The following CLCN1 variants were observed in gnomAD, a reference collection of about 807,000 sequenced individuals.
CLCN1 encodes the protein chloride voltage-gated channel 1.
In CLCN1, 100 loss-of-function variants were observed where a neutral mutation model predicts 114.5. That is an observed-to-expected ratio of 0.87 (90% CI 0.74 to 1.03). The LOEUF (loss-of-function observed/expected upper bound fraction) is 1.03, where lower values mean the gene tolerates loss of function less well. Ranked by LOEUF, CLCN1 falls within the 50% of genes least tolerant of loss-of-function variation. The pLI, the probability that CLCN1 is intolerant of heterozygous loss-of-function variation, is 0.00. For missense variants in CLCN1, 1,188 were observed against 1,250.0 expected (o/e 0.95, Z 0.75); for synonymous variants, 485 against 487.1 (o/e 1.00, Z 0.06).
chr7:143,340,238 A>G (rs1485585734), intron 14 of CLCN1, among the ~76,000 whole-genome samples: 1 of 152,196 alleles, frequency 6.6e-6, no homozygotes, highest in Non-Finnish European at 1.5e-5. Flanking sequence ...AGAAGTGCTG[A>G]CCAGCTTTCT....
At chr7:143,348,147 G>T (rs1233302923) in intron 20 of CLCN1, among the ~76,000 whole-genome samples, 1 of 152,144 alleles carries the variant, frequency 6.6e-6, no homozygotes, top group Non-Finnish European at 1.5e-5. Flanking sequence ...ATTGGAGGAG[G>T]ATGTTGTGAG....
intron 6 of CLCN1, chr7:143,323,701 G>T (rs1160111220): frequency 1.9e-6 from 1 of 535,218 alleles, no homozygotes; most frequent in East Asian, 5.1e-5. Context: ...TTCCCTCCAC[G>T]TTTCCCTCGT....
At position 143,339,458 on chromosome 7, in the gene CLCN1, G is replaced by A. The variant is rs905904757; in HGVS notation, c.1472-53G>A. On this transcript the variant is annotated intron_variant, in intron 13 of 22. Transcript: ENST00000343257. This position sits in a 1 kb window ranked among gnomAD's most constrained non-coding sequence, Gnocchi z 4.1. ...AGGAGAGATTGGTTCTGAAAACTGA[G>A]AGCAAGGAACTTGGATCTCGTAACA... 12 of 1,472,678 alleles carry A rather than the reference G, an allele frequency of 8.1e-6. No homozygotes were observed. In the Admixed American group the frequency reaches 1.8e-4, roughly 23 times the overall value. The allele number at this position is 1,472,678 out of a possible 1,614,324, so 91.2% of individuals were successfully genotyped here. A position where few individuals can be genotyped will look rare whatever the true frequency, so the allele number is the denominator to read the frequency against.
At position 143,339,370 on chromosome 7, in the gene CLCN1, G is replaced by T; in HGVS notation, c.1471+48G>T. 2.7e-6 allele frequency: 4 copies of T among 1,477,244 alleles called. No homozygotes were observed. The highest frequency in any genetic ancestry group is 3.8e-6 in the Non-Finnish European group (4 of 1,055,364). The allele number at this position is 1,477,244 out of a possible 1,614,324, so 91.5% of individuals were successfully genotyped here. The stretch of plus-strand genomic sequence containing the variant: ...GGGTCTGACTGAGAGTTGCAATCTA[G>T]GATACAGGAAACATAAGGAAAGGCC... On this transcript the variant is annotated intron_variant, in intron 13 of 22. Transcript: ENST00000343257. This position sits in a 1 kb window ranked among gnomAD's most constrained non-coding sequence, Gnocchi z 4.1.
intron 12 of CLCN1, among the ~76,000 whole-genome samples, chr7:143,335,227 T>C (rs2116858547): frequency 6.6e-6 from 1 of 152,306 alleles, no homozygotes; most frequent in Non-Finnish European, 1.5e-5. Flanking sequence ...AATTCAAGCT[T>C]ATTTTGAGAA....
At position 143,321,408 on chromosome 7, in the gene CLCN1, G is replaced by C; in HGVS notation, c.477G>C (p.Leu159=). The C allele has an allele frequency of 6.2e-7, 1 of 1,614,208 alleles. No homozygotes were observed. The highest frequency in any genetic ancestry group is 8.5e-7 in the Non-Finnish European group (1 of 1,180,042). Residue 159 remains leucine, a synonymous_variant, in exon 4 of 23, where the codon CTG becomes CTC. Transcript: ENST00000343257. This position sits in a 1 kb window ranked among gnomAD's most constrained non-coding sequence, Gnocchi z 4.2. ...CGCAGATGCAGCCCAGCCTTCCTCT[G>C]CAGTTCCTGGTCTGGGTCACCTTCC... ...SYAQMQPSLP[L]QFLVWVTFPL...
intron 6 of CLCN1, 103 bp downstream of exon 6, chr7:143,323,489 G>T: frequency 1.2e-6 from 1 of 849,346 alleles, no homozygotes; most frequent in Non-Finnish European, 2.1e-6. Flanking sequence ...GCTGGCTGTG[G>T]TGCTGAAGCA....
intron 22 of CLCN1, 29 bp from the exon 23 acceptor site, chr7:143,351,565 C>T (rs768581019): frequency 6.5e-5 from 104 of 1,610,782 alleles, no homozygotes; most frequent in Admixed American, 1.0e-4. Flanking sequence ...CAACTTTTTA[C>T]CCTCTTTTCC....
intron 12 of CLCN1, among the ~76,000 whole-genome samples, chr7:143,338,587 A>G (rs143551515): frequency 6.6e-6 from 1 of 152,246 alleles, no homozygotes; most frequent in African/African-American, 2.4e-5. Flanking sequence ...GGAGTTCAAG[A>G]CCAGCCGGGG....
At position 143,345,543 on chromosome 7, in the gene CLCN1, G is replaced by T. The variant is rs1375543643; in HGVS notation, c.1953G>T (p.Ser651=). Residue 651 remains serine, a synonymous_variant, in exon 17 of 23, where the codon TCG becomes TCT. Coordinates refer to ENST00000343257, the MANE Select transcript of CLCN1 (RefSeq NM_000083.3). ...CAGATTCAATGATCCTGCTGGGCTC[G>T]GTGGAGCGGTCGGAACTGCAGGCCC... is the stretch of plus-strand genomic sequence containing the variant. ...DSKDSMILLG[S]VERSELQALL... The T allele has an allele frequency of 9.7e-6, 15 of 1,540,460 alleles. No individual in the cohort carries two copies. Among genetic ancestry groups the T allele is most frequent in the Middle Eastern group, 2.0e-4 (1 of 5,056 alleles).
chr7:143,318,609 C>G (rs1802349796), intron 1 of CLCN1, among the ~76,000 whole-genome samples: 1 of 152,170 alleles, frequency 6.6e-6, no homozygotes. Context: ...CTCCCCTCAC[C>G]CTGCCCTGCA....
chr7:143,323,430 G>A, intron 6 of CLCN1, 44 bp downstream of exon 6: 1 of 1,377,666 alleles, frequency 7.3e-7, no homozygotes, highest in Middle Eastern at 1.8e-4. Context: ...GGTGGTAGAA[G>A]GAGTCCGGCT....
In CLCN1 at chr7:143,348,005, C is replaced by T. The variant is rs185703176; in HGVS notation, c.2403+1056C>T. Among the ~76,000 whole-genome samples the T allele has an allele frequency of 7.2e-5, 11 of 152,174 alleles. No individual in the cohort carries two copies. In the East Asian group the frequency reaches 1.9e-3, roughly 27 times the overall value. On this transcript the variant is annotated intron_variant, in intron 20 of 22. Coordinates refer to ENST00000343257, the MANE Select transcript of CLCN1 (RefSeq NM_000083.3). ...ATATGGTAAAAGAATGCAGAGTTTG[C>T]TGCAAACGCCGAAAACGTAAAGCTT...
chr7:143,330,025 A>G (rs913251842), intron 7 of CLCN1, among the ~76,000 whole-genome samples: 26 of 152,166 alleles, frequency 1.7e-4, no homozygotes, highest in African/African-American at 5.8e-4. Flanking sequence ...AAACAGTACT[A>G]CTTAGAACTA....
At chr7:143,316,442 G>A in intron 1 of CLCN1, 50 bp downstream of exon 1, 1 of 1,537,338 alleles carries the variant, frequency 6.5e-7, no homozygotes, top group Non-Finnish European at 8.9e-7. Flanking sequence ...GGAGACAGTG[G>A]TGCCAGAGAC....
Position 143,345,762 on chromosome 7 carries a change from G to A in CLCN1, c.2172G>A (p.Glu724=). ...ACGAAGACCTCTCTGGCAAGAGCGAGGTGACCGCGCCGGGAAGGGCTAGGG... is the reference window on the plus strand; with the variant it reads ...ACGAAGACCTCTCTGGCAAGAGCGAAGTGACCGCGCCGGGAAGGGCTAGGG... The part of the protein sequence containing the change: ...DEDEDLSGKS[E]LPPSLALHPS... The change falls in exon 17 of 23, where the codon GAG becomes GAA. Residue 724 remains glutamate (E), a splice_region_variant and synonymous_variant. Coordinates refer to ENST00000343257, the MANE Select transcript of CLCN1 (RefSeq NM_000083.3). 1 of 1,606,756 alleles carries A rather than the reference G, an allele frequency of 6.2e-7. No homozygotes were observed. Among genetic ancestry groups the A allele is most frequent in the Non-Finnish European group, 8.5e-7 (1 of 1,177,370 alleles).
At position 143,350,475 on chromosome 7, in the gene CLCN1, A is replaced by G; in HGVS notation, c.2507A>G (p.Lys836Arg). The G allele has an allele frequency of 6.2e-7, 1 of 1,613,810 alleles. No homozygotes were observed. The highest frequency in any genetic ancestry group is 8.5e-7 in the Non-Finnish European group (1 of 1,179,666). ...CTGGTGGAGCAGACAACCCTGCACA[A>G]GGTGAGTCTTTTGCTGACTGCTCAG... The part of the protein sequence containing the change: ...FQLVEQTTLH[K>R]THTLFSLLGL... Residue 836 changes from lysine (K) to arginine (R), a missense_variant and splice_region_variant, in exon 21 of 23, where the codon AAG (lysine) becomes AGG (arginine). Lys to Arg is a conservative substitution (Grantham distance 26). Transcript: ENST00000343257. The surrounding 1 kb of genome is among the most constrained non-coding windows in gnomAD (Gnocchi z 5.1).
chr7:143,345,525 A>C lies in CLCN1; in HGVS notation c.1935A>C (p.Ser645=), dbSNP rs1586514896. Residue 645 remains serine (S), a synonymous_variant, in exon 17 of 23, where the codon TCA becomes TCC. Transcript: ENST00000343257. ...KTLPLVDSKD[S]MILLGSVERS... The stretch of plus-strand genomic sequence containing the variant: ...CAGGGCGTGGGTTTCCCTCAGATTC[A>C]ATGATCCTGCTGGGCTCGGTGGAGC... 2 of 1,533,932 alleles carry C rather than the reference A, an allele frequency of 1.3e-6. No individual in the cohort carries two copies. Among genetic ancestry groups the C allele is most frequent in the East Asian group, 4.9e-5 (2 of 40,442 alleles).
chr7:143,351,296 G>A (rs555898439), intron 22 of CLCN1, among the ~76,000 whole-genome samples: 17 of 152,184 alleles, frequency 1.1e-4, no homozygotes, highest in South Asian at 1.0e-3. Flanking sequence ...GGAAAGCTGC[G>A]GAAAAAAGGC....
Sources: allele counts gnomAD v4.1 joint callset (sites outside exome capture counted in the v4.1 genomes callset), GRCh38; gene constraint gnomAD v4.1.1; non-coding constraint Gnocchi (gnomAD v3.1); transcripts MANE v1.5; gene names NCBI Gene and HGNC (gene_info 2026-07-23, HGNC 2026-07-21).